CDH4: variants seen among roughly 807,000 people sequenced by gnomAD.
CDH4 encodes cadherin 4, also known as cadherin-4.
A neutral mutation model predicts 86.0 loss-of-function variants in CDH4; 33 were observed. That is an observed-to-expected ratio of 0.38 (90% CI 0.29 to 0.51). The LOEUF is 0.51. Ranked by LOEUF, CDH4 falls within the 20% of genes least tolerant of loss-of-function variation. CDH4 has a pLI of 0.86. For missense variants in CDH4, 1,114 were observed against 1,307.4 expected (o/e 0.85, Z 2.28); for synonymous variants, 555 against 549.4 (o/e 1.01, Z -0.14).
chr20:61,255,865 A>T (rs2084095410), intron 2 of CDH4, among the ~76,000 whole-genome samples: 1 of 152,212 alleles, frequency 6.6e-6, no homozygotes, highest in Non-Finnish European at 1.5e-5. Context: ...CTCGCCCTTC[A>T]AGACAGAACT....
intron 2 of CDH4, chr20:61,599,723 C>T (rs2086583282): frequency 2.3e-6 from 2 of 858,498 alleles, no homozygotes; most frequent in Admixed American, 6.2e-5. Flanking sequence ...TCTGCCGAGG[C>T]CCCGCTCCTC....
At chr20:61,832,093 C>T (rs1981648599) in intron 4 of CDH4, among the ~76,000 whole-genome samples, 1 of 152,242 alleles carries the variant, frequency 6.6e-6, no homozygotes, top group Non-Finnish European at 1.5e-5. Flanking sequence ...CAACCTCCAG[C>T]CATGGCAGCT....
chr20:61,484,308 C>A lies in CDH4; in HGVS notation c.169+229371C>A, dbSNP rs991955205. ...CCTTCCTGAAATGCAAATATGCACT[C>A]TTGTCTTTTCTGAACTTCTGCCCAC... is the stretch of plus-strand genomic sequence containing the variant. On this transcript the variant is annotated intron_variant, in intron 2 of 15. Transcript: ENST00000614565. 2.6e-5 allele frequency among the ~76,000 whole-genome samples: 4 copies of A among 152,206 alleles called. 1 individual carries two copies. The highest frequency in any genetic ancestry group is 2.6e-4 in the Admixed American group (4 of 15,282).
chr20:61,729,956 G>A (rs2088159135), intron 2 of CDH4, among the ~76,000 whole-genome samples: 1 of 152,150 alleles, frequency 6.6e-6, no homozygotes, highest in African/African-American at 2.4e-5. Flanking sequence ...TTTGGAGAAG[G>A]TACAGCTGAT....
In CDH4 at chr20:61,335,908, C is replaced by T. The variant is rs182018456; in HGVS notation, c.169+80971C>T. Among the ~76,000 whole-genome samples, 132 of 152,286 alleles carry T rather than the reference C, an allele frequency of 8.7e-4. 2 individuals are homozygous for T. The highest frequency in any genetic ancestry group is 8.0e-3 in the Admixed American group (123 of 15,302). The stretch of plus-strand genomic sequence containing the variant: ...ATCCAATCAGAATCATCCAGGTTGA[C>T]GCAAGGATCTTTTGGTACCTTGCCC... On this transcript the variant is annotated intron_variant, in intron 2 of 15. Transcript: ENST00000614565.
chr20:61,707,776 G>C (rs2145894165), intron 2 of CDH4, among the ~76,000 whole-genome samples: 1 of 152,266 alleles, frequency 6.6e-6, no homozygotes, highest in Non-Finnish European at 1.5e-5. Flanking sequence ...GCGCAGCCTA[G>C]ATCCCGTGCA....
chr20:61,625,451 ATAGT>A (rs758038668), intron 2 of CDH4, among the ~76,000 whole-genome samples: 8 of 152,082 alleles, frequency 5.3e-5, no homozygotes, highest in Non-Finnish European at 1.2e-4. Context: ...AGTCTGCGTG[ATAGT>A]TTGTTCCAAA....
chr20:61,375,118 C>T (rs1403234419), intron 2 of CDH4, among the ~76,000 whole-genome samples: 8 of 152,216 alleles, frequency 5.3e-5, no homozygotes, highest in Admixed American at 5.2e-4. Context: ...ACCCCAACCA[C>T]ATGTTTGGGC....
intron 2 of CDH4, among the ~76,000 whole-genome samples, chr20:61,262,154 G>A (rs766839316): frequency 3.9e-5 from 6 of 152,188 alleles, no homozygotes; most frequent in South Asian, 2.1e-4. Flanking sequence ...TAGTGAGGCC[G>A]GTTACAGATT....
At chr20:61,267,753 C>T (rs1019695971) in intron 2 of CDH4, among the ~76,000 whole-genome samples, 2 of 152,174 alleles carry the variant, frequency 1.3e-5, no homozygotes, top group Admixed American at 1.3e-4. Context: ...ACTCCCTCTG[C>T]TGATGAGATG....
rs184243937 is a variant in CDH4 at position 61,636,331 on chromosome 20, T to C, written c.170-107232T>C. Among the ~76,000 whole-genome samples the C allele has an allele frequency of 2.1e-3, 323 of 152,368 alleles. 1 individual carries two copies. Among genetic ancestry groups the C allele is most frequent in the African/African-American group, 7.5e-3 (313 of 41,586 alleles). On this transcript the variant is annotated intron_variant, in intron 2 of 15. Coordinates refer to ENST00000614565, the MANE Select transcript of CDH4 (RefSeq NM_001794.5). ...GAAAAGGCAGAAAGTGGCTCCTATTTAATCTGGGAGAGTTTGGCTCCAATC... is the reference window on the plus strand; with the variant it reads ...GAAAAGGCAGAAAGTGGCTCCTATTCAATCTGGGAGAGTTTGGCTCCAATC...
rs1319080482 is a variant in CDH4 at position 61,269,538 on chromosome 20, G to A, written c.169+14601G>A. 6.6e-6 allele frequency among the ~76,000 whole-genome samples: 1 copy of A among 152,016 alleles called. No individual in the cohort carries two copies. The highest frequency in any genetic ancestry group is 1.5e-5 in the Non-Finnish European group (1 of 67,992). ...GGTGATCCGTGTCCCTGTGTATGGA[G>A]GCACCAGGCTCTGGAAACACCAAGG... On this transcript the variant is annotated intron_variant, in intron 2 of 15. Transcript: ENST00000614565. The surrounding 1 kb of genome is among the most constrained non-coding windows in gnomAD (Gnocchi z 5.3).
At chr20:61,727,640 C>T (rs1468440734) in intron 2 of CDH4, among the ~76,000 whole-genome samples, 1 of 152,190 alleles carries the variant, frequency 6.6e-6, no homozygotes, top group Non-Finnish European at 1.5e-5. Context: ...AGCTTCCACT[C>T]ATGGCAGAAG....
rs555346025 is a variant in CDH4, at chr20:61,891,583, C to G, written c.1051-3327C>G. On this transcript the variant is annotated intron_variant, in intron 7 of 15. Transcript: ENST00000614565. Reference sequence around the variant, plus strand: ...ACACCTGCCTCCTTGAGGGAGATCTCTCAGAACAACAGCCAGGGCTGCATG... The same window carrying G: ...ACACCTGCCTCCTTGAGGGAGATCTGTCAGAACAACAGCCAGGGCTGCATG... Among the ~76,000 whole-genome samples the G allele has an allele frequency of 2.4e-4, 36 of 152,372 alleles. No individual in the cohort carries two copies. In the South Asian group the frequency reaches 7.5e-3, roughly 32 times the overall value.
intron 4 of CDH4, among the ~76,000 whole-genome samples, chr20:61,776,145 G>A (rs987127310): frequency 4.6e-5 from 7 of 152,074 alleles, no homozygotes; most frequent in African/African-American, 1.2e-4. Context: ...ACGTTTCTCC[G>A]GAAGACATCA....
At chr20:61,273,203 G>A (rs1436472054) in intron 2 of CDH4, among the ~76,000 whole-genome samples, 5 of 133,490 alleles carry the variant, frequency 3.7e-5, no homozygotes, top group Non-Finnish European at 6.4e-5. Context: ...AGCACCATGC[G>A]CAGTTTGGGA....
In CDH4 at chr20:61,578,098, T is replaced by G. The variant is rs552937705; in HGVS notation, c.170-165465T>G. ...TCCCGACCCTCAGCTCTACTCAAGT[T>G]AAGGTGTCATTCCCCATATGTCCTC... On this transcript the variant is annotated intron_variant, in intron 2 of 15. Coordinates refer to ENST00000614565, the MANE Select transcript of CDH4 (RefSeq NM_001794.5). Among the ~76,000 whole-genome samples the G allele has an allele frequency of 2.6e-5, 4 of 152,240 alleles. No individual in the cohort carries two copies. In the East Asian group the frequency reaches 7.7e-4, roughly 29 times the overall value.
At chr20:61,712,721 G>T (rs369516435) in intron 2 of CDH4, among the ~76,000 whole-genome samples, 1 of 152,216 alleles carries the variant, frequency 6.6e-6, no homozygotes, top group Non-Finnish European at 1.5e-5. Flanking sequence ...AGCAGGAGCC[G>T]TGGCGAGCTG....
chr20:61,705,024 G>T (rs943509495), intron 2 of CDH4, among the ~76,000 whole-genome samples: 1 of 152,176 alleles, frequency 6.6e-6, no homozygotes, highest in African/African-American at 2.4e-5. Flanking sequence ...ACGCGTTGGG[G>T]CTCAAAGGTC....
Sources: allele counts gnomAD v4.1 joint callset (sites outside exome capture counted in the v4.1 genomes callset), GRCh38; gene constraint gnomAD v4.1.1; non-coding constraint Gnocchi (gnomAD v3.1); transcripts MANE v1.5; gene names NCBI Gene and HGNC (gene_info 2026-07-23, HGNC 2026-07-21).